Variants in SERPINB12 observed in about 807,000 individuals in gnomAD.
SERPINB12 encodes the protein serpin B12.
Under a neutral mutation model 41.1 loss-of-function variants are expected in SERPINB12, and 57 were observed. That is an observed-to-expected ratio of 1.39 (90% CI 1.12 to 1.73). SERPINB12 has a LOEUF of 1.73. Ranked by LOEUF, SERPINB12 falls within the 40% of genes most tolerant of loss-of-function variation. SERPINB12 has a pLI of 0.00. For missense variants in SERPINB12, 536 were observed against 501.9 expected, an observed-to-expected ratio of 1.07 and a Z score of -0.65; for synonymous variants, 180 against 181.3, an observed-to-expected ratio of 0.99 and a Z score of 0.06.
At chr18:63,534,725 C>T in the SERPINB12 span, among the ~76,000 whole-genome samples, 14 of 152,244 alleles carry the variant, frequency 9.2e-5, no homozygotes, top group African/African-American at 3.4e-4. Flanking sequence ...GCCGTCAGTA[C>T]TTGTTTTATG....
At chr18:63,528,780 C>T in the SERPINB12 span, among the ~76,000 whole-genome samples, 1 of 152,122 alleles carries the variant, frequency 6.6e-6, no homozygotes, top group Non-Finnish European at 1.5e-5. Flanking sequence ...AGCTAGAGTA[C>T]TCTCCAAAAG....
intron 7 of SERPINB12, 80 bp from the exon 8 acceptor site, chr18:63,566,527 A>G: frequency 8.5e-6 from 11 of 1,301,552 alleles, no homozygotes; most frequent in Non-Finnish European, 1.2e-5. Context: ...ACTGAAAGGG[A>G]CTCAGGCACC....
rs1911146597 is a variant in SERPINB12, at chr18:63,567,355, A to G, written c.*344A>G. 6.6e-6 allele frequency among the ~76,000 whole-genome samples: 1 copy of G among 152,230 alleles called. No homozygotes were observed. The highest frequency in any genetic ancestry group is 1.5e-5 in the Non-Finnish European group (1 of 68,044). ...ATTTCTAAGAGATGGCAAACTCAGAAGCCACTTTAACATGGGCAGCAAGAG... is the reference window on the plus strand; with the variant it reads ...ATTTCTAAGAGATGGCAAACTCAGAGGCCACTTTAACATGGGCAGCAAGAG... On this transcript the variant is annotated 3_prime_UTR_variant, in exon 8 of 8. Coordinates refer to ENST00000382768, the MANE Select transcript of SERPINB12 (RefSeq NM_001307928.2).
Position 63,566,494 on chromosome 18 carries a change from G to A in SERPINB12, c.874-113G>A, listed in dbSNP as rs888327317. The A allele has an allele frequency of 1.3e-4, 108 of 841,268 alleles. No individual in the cohort carries two copies. In the Admixed American group the frequency reaches 2.5e-3, roughly 19 times the overall value. 52.1% of individuals were successfully genotyped at this position (841,268 alleles called of 1,614,324 possible). A position where few individuals can be genotyped will look rare whatever the true frequency, so the allele number is the denominator to read the frequency against. On this transcript the variant is annotated intron_variant, in intron 7 of 7. Transcript: ENST00000382768. ...CAGACTATTCTCTAGCTTAGGGAAA[G>A]GTCTTGAAGGTTGTCACTGCCCACT...
At chr18:63,533,059 A>T in the SERPINB12 span, among the ~76,000 whole-genome samples, 1 of 151,504 alleles carries the variant, frequency 6.6e-6, no homozygotes, top group African/African-American at 2.4e-5. Flanking sequence ...GCTCACAGCA[A>T]CTCCACCTCC....
At chr18:63,527,977 G>A in the SERPINB12 span, among the ~76,000 whole-genome samples, 1 of 151,982 alleles carries the variant, frequency 6.6e-6, no homozygotes, top group Non-Finnish European at 1.5e-5. Context: ...GTTTTATACG[G>A]GGGGAGTTTC....
chr18:63,558,558 G>T (rs1300083844), intron 3 of SERPINB12, 72 bp downstream of exon 3: 4 of 1,492,268 alleles, frequency 2.7e-6, no homozygotes, highest in Non-Finnish European at 3.6e-6. Context: ...AGGATATTTG[G>T]TGATAGTTGC....
intron 1 of SERPINB12, among the ~76,000 whole-genome samples, chr18:63,553,108 G>T (rs1910575656): frequency 6.6e-6 from 1 of 152,140 alleles, no homozygotes; most frequent in African/African-American, 2.4e-5. Flanking sequence ...AATTGTTACT[G>T]GGGTGAGAGC....
intron 2 of SERPINB12, 150 bp from the exon 3 acceptor site, chr18:63,558,202 A>T: frequency 1.2e-6 from 1 of 835,160 alleles, no homozygotes; most frequent in Admixed American, 3.1e-5. Flanking sequence ...CAACCCAAGT[A>T]CAGAAGCACC....
the SERPINB12 span, among the ~76,000 whole-genome samples, chr18:63,533,040 G>A: frequency 8.6e-5 from 13 of 151,960 alleles, no homozygotes; most frequent in Admixed American, 2.6e-4. Flanking sequence ...GTGCAGTGGC[G>A]CAATCTCAGC....
intron 5 of SERPINB12, among the ~76,000 whole-genome samples, chr18:63,563,245 T>C (rs1910972577): frequency 6.6e-6 from 1 of 152,240 alleles, no homozygotes; most frequent in Non-Finnish European, 1.5e-5. Context: ...TGTATTTTTG[T>C]TTACATGTAA....
the SERPINB12 span, among the ~76,000 whole-genome samples, chr18:63,524,950 A>T: frequency 6.6e-6 from 1 of 151,770 alleles, no homozygotes; most frequent in Non-Finnish European, 1.5e-5. Flanking sequence ...GGGTTTTGCC[A>T]TGTTGGCCAG....
Position 63,551,866 on chromosome 18 carries a change from T to C in SERPINB12, c.-18-4276T>C, listed in dbSNP as rs556569109. Among the ~76,000 whole-genome samples the C allele has an allele frequency of 2.0e-3, 306 of 152,350 alleles. 1 individual carries two copies. The highest frequency in any genetic ancestry group is 4.2e-3 in the Admixed American group (65 of 15,304). ...ATTACTGTTTTCAAATTAGTGTCCA[T>C]GTAAAAGGCATTATTGAAATGCCAG... On this transcript the variant is annotated intron_variant, in intron 1 of 7. Coordinates refer to ENST00000382768, the MANE Select transcript of SERPINB12 (RefSeq NM_001307928.2).
chr18:63,529,835 G>C, the SERPINB12 span, among the ~76,000 whole-genome samples: 1 of 152,040 alleles, frequency 6.6e-6, no homozygotes, highest in Non-Finnish European at 1.5e-5. Flanking sequence ...ACAAGACTAG[G>C]TTCCTTTTAT....
At chr18:63,529,813 A>G in the SERPINB12 span, among the ~76,000 whole-genome samples, 2 of 152,230 alleles carry the variant, frequency 1.3e-5, no homozygotes, top group East Asian at 1.9e-4. Flanking sequence ...TGTTTTGTTT[A>G]TTGATTGGGG....
At chr18:63,557,381 T>C (rs1910713491) in intron 2 of SERPINB12, among the ~76,000 whole-genome samples, 1 of 152,142 alleles carries the variant, frequency 6.6e-6, no homozygotes, top group African/African-American at 2.4e-5. Context: ...TAATAAACAT[T>C]TCTAGAATAA....
At position 63,565,559 on chromosome 18, in the gene SERPINB12, A is replaced by G. The variant is rs1911073482; in HGVS notation, c.820A>G (p.Met274Val). The G allele has an allele frequency of 6.2e-7, 1 of 1,614,118 alleles. No individual in the cohort carries two copies. The highest frequency in any genetic ancestry group is 8.5e-7 in the Non-Finnish European group (1 of 1,179,962). ...EMRYTKGKLS[M>V]FVLLPSHSKD... Reference sequence around the variant, plus strand: ...GAGGTACACCAAGGGGAAGCTCAGCATGTTCGTGCTGCTGCCATCTCACTC... The same window carrying G: ...GAGGTACACCAAGGGGAAGCTCAGCGTGTTCGTGCTGCTGCCATCTCACTC... The change falls in exon 7 of 8, where the codon ATG (methionine) becomes GTG (valine). Residue 274 changes from methionine (M) to valine (V), a missense_variant. Met to Val is a conservative substitution (Grantham distance 21). Coordinates refer to ENST00000382768, the MANE Select transcript of SERPINB12 (RefSeq NM_001307928.2).
At chr18:63,561,255 A>G (rs1036818407) in intron 5 of SERPINB12, 53 bp downstream of exon 5, 1 of 1,155,964 alleles carries the variant, frequency 8.7e-7, no homozygotes, top group Non-Finnish European at 1.3e-6. Context: ...TTAAAAGAAA[A>G]TTGGTCTGCC....
At position 63,563,890 on chromosome 18, in the gene SERPINB12, C is replaced by CT. The variant is rs1409189445; in HGVS notation, c.563-87dup. ...CAGCCTGGGAGACAAGAGCGAAACT[C>CT]TGTCTCAAAAAAAAAAAAAAAAAAT... On this transcript the variant is annotated intron_variant, in intron 5 of 7. Coordinates refer to ENST00000382768, the MANE Select transcript of SERPINB12 (RefSeq NM_001307928.2). 4.0e-6 allele frequency: 5 copies of CT among 1,238,336 alleles called. No individual in the cohort carries two copies. In the African/African-American group the frequency reaches 9.3e-5, roughly 23 times the overall value. The allele number at this position is 1,238,336 out of a possible 1,614,324, so 76.7% of individuals were successfully genotyped here.
Sources: allele counts gnomAD v4.1 joint callset (sites outside exome capture counted in the v4.1 genomes callset), GRCh38; gene constraint gnomAD v4.1.1; transcripts MANE v1.5; gene names NCBI Gene and HGNC (gene_info 2026-07-23, HGNC 2026-07-21).